The following AACS variants were observed in gnomAD, a reference collection of about 807,000 sequenced individuals.
AACS encodes the protein acetoacetate-CoA ligase.
AACS carries 69 observed loss-of-function variants against 83.1 expected under a neutral mutation model. That is an observed-to-expected ratio of 0.83 (90% confidence interval 0.68 to 1.01). The LOEUF is 1.01. AACS is among the 50% of genes least tolerant of loss of function. The probability of loss-of-function intolerance (pLI) is 0.00; values close to 1 mark genes in which losing one functional copy is unlikely to be tolerated. For synonymous variants in AACS, 333 were observed against 343.4 expected (o/e 0.97, Z 0.33); for missense variants, 866 against 882.2 (o/e 0.98, Z 0.23).
intron 4 of AACS, among the ~76,000 whole-genome samples, chr12:125,088,401 T>G (rs1956389063): frequency 6.6e-6 from 1 of 151,672 alleles, no homozygotes; most frequent in African/African-American, 2.4e-5. Flanking sequence ...CCTGGCTAAT[T>G]TTTGTATTTT....
chr12:125,120,427 A>G lies in AACS; in HGVS notation c.1121+1662A>G, dbSNP rs544651647. ...GTTTTTAAATCCTTGGCCATTAAAC[A>G]TTTTAAATATAACTTGGCCTGGGTA... On this transcript the variant is annotated intron_variant, in intron 10 of 17. Transcript: ENST00000316519. The G allele has an allele frequency of 4.6e-5, 7 of 152,338 alleles. No individual in the cohort carries two copies. The East Asian group carries it at 5.8e-4, about 13-fold the overall frequency. 9.4% of individuals were successfully genotyped at this position (152,338 alleles called of 1,614,324 possible). A position where few individuals can be genotyped will look rare whatever the true frequency, so the allele number is the denominator to read the frequency against.
At chr12:125,128,546 C>G (rs999807835) in intron 13 of AACS, 1 of 281,836 alleles carries the variant, frequency 3.5e-6, no homozygotes, top group Non-Finnish European at 6.6e-6. Flanking sequence ...GGTCATTGCC[C>G]TGCATCTGAA....
At chr12:125,106,299 C>T (rs978469529) in intron 7 of AACS, among the ~76,000 whole-genome samples, 2 of 152,202 alleles carry the variant, frequency 1.3e-5, no homozygotes, top group African/African-American at 4.8e-5. Flanking sequence ...GTGGCTTCTG[C>T]GGCTGTTTCT....
At chr12:125,070,297 A>G (rs568753738) in intron 1 of AACS, among the ~76,000 whole-genome samples, 75 of 152,220 alleles carry the variant, frequency 4.9e-4, no homozygotes, top group Non-Finnish European at 8.4e-4. Flanking sequence ...GGTGCCATCT[A>G]TTGGAGTTAA....
intron 3 of AACS, 127 bp downstream of exon 3, chr12:125,076,738 AG>A: frequency 7.0e-7 from 1 of 1,434,982 alleles, no homozygotes; most frequent in South Asian, 1.4e-5. Context: ...GATGTAATTA[AG>A]ATTTCTGTCG....
chr12:125,085,549 G>C (rs558385035), intron 3 of AACS, among the ~76,000 whole-genome samples: 54 of 152,174 alleles, frequency 3.5e-4, no homozygotes, highest in African/African-American at 1.3e-3. Context: ...ATCCACATCT[G>C]TTTCACGGAA....
At chr12:125,104,872 T>C (rs1377735297) in intron 7 of AACS, among the ~76,000 whole-genome samples, 2 of 152,182 alleles carry the variant, frequency 1.3e-5, no homozygotes, top group African/African-American at 4.8e-5. Flanking sequence ...TTTAATTGGC[T>C]TATGGTTCTG....
chr12:125,132,445 G>A (rs1171554491), intron 14 of AACS, among the ~76,000 whole-genome samples: 2 of 152,172 alleles, frequency 1.3e-5, no homozygotes, highest in Non-Finnish European at 2.9e-5. Context: ...AATGAGGCAG[G>A]ATTCCCAGGT....
At chr12:125,087,348 G>C (rs561099810) in intron 4 of AACS, among the ~76,000 whole-genome samples, 21 of 152,356 alleles carry the variant, frequency 1.4e-4, no homozygotes, top group African/African-American at 4.8e-4. Context: ...AACTGCTTAG[G>C]TATTTTTCTT....
At chr12:125,135,066 C>T (rs1957382781) in intron 16 of AACS, among the ~76,000 whole-genome samples, 1 of 152,104 alleles carries the variant, frequency 6.6e-6, no homozygotes, top group Admixed American at 6.6e-5. Context: ...GTCCCTTTGC[C>T]CATCCTCTTC....
rs554777598 is a variant in AACS at position 125,094,172 on chromosome 12, A to G, written c.570+2649A>G. 2.0e-5 allele frequency among the ~76,000 whole-genome samples: 3 copies of G among 152,322 alleles called. No homozygotes were observed. Among genetic ancestry groups the G allele is most frequent in the East Asian group, 1.9e-4 (1 of 5,190 alleles). ...GCTGATGGGTTCTGGGCTCGTGGAC[A>G]GTTCCTGCATCGGTTTGCAGATCTC... On this transcript the variant is annotated intron_variant, in intron 5 of 17. Transcript: ENST00000316519. This position sits in a 1 kb window ranked among gnomAD's most constrained non-coding sequence, Gnocchi z 4.1.
At chr12:125,076,380 C>A in intron 2 of AACS, 111 bp from the exon 3 acceptor site, 1 of 1,462,412 alleles carries the variant, frequency 6.8e-7, no homozygotes, top group Non-Finnish European at 9.3e-7. Context: ...AGTGAGCTGG[C>A]TTCCTGGGAA....
intron 5 of AACS, among the ~76,000 whole-genome samples, chr12:125,096,965 T>A (rs1255139259): frequency 6.6e-6 from 1 of 151,904 alleles, no homozygotes; most frequent in Non-Finnish European, 1.5e-5. Context: ...CAGAAGTGGC[T>A]GGGGAGGAGG....
intron 8 of AACS, 67 bp from the exon 9 acceptor site, chr12:125,114,410 C>T: frequency 7.4e-7 from 1 of 1,351,380 alleles, no homozygotes; most frequent in Non-Finnish European, 1.0e-6. Flanking sequence ...GCGCGTGGGC[C>T]AGGTACCAGA....
chr12:125,089,225 G>A (rs1167670843), intron 4 of AACS, among the ~76,000 whole-genome samples: 1 of 152,232 alleles, frequency 6.6e-6, no homozygotes, highest in African/African-American at 2.4e-5. Flanking sequence ...GGATGTGGGT[G>A]GAACCCCATG....
chr12:125,117,740 CTT>C (rs1191370966), intron 9 of AACS: 1 of 152,234 alleles, frequency 6.6e-6, no homozygotes, highest in Non-Finnish European at 1.5e-5. Flanking sequence ...AATACCAGCA[CTT>C]TGTGAGGCTG....
chr12:125,079,404 CAG>C (rs1033159711), intron 3 of AACS, among the ~76,000 whole-genome samples: 1 of 152,150 alleles, frequency 6.6e-6, no homozygotes, highest in African/African-American at 2.4e-5. Flanking sequence ...ACCCCTCTGA[CAG>C]GGTCTCACTC....
intron 12 of AACS, chr12:125,126,479 C>T (rs899584595): frequency 2.6e-5 from 4 of 152,006 alleles, no homozygotes; most frequent in African/African-American, 4.8e-5. Flanking sequence ...GGCGAGAGCA[C>T]CCCATTTTTA....
rs1956993893 is a variant in AACS, at chr12:125,113,618, C to T, written c.916-859C>T. ...ATAGTTGTAAACAGACATGAGGGAG[C>T]TCCCGGCATGCCAAGGAAGAGCTCC... On this transcript the variant is annotated intron_variant, in intron 8 of 17. Transcript: ENST00000316519. This position sits in a 1 kb window ranked among gnomAD's most constrained non-coding sequence, Gnocchi z 4.8. Among the ~76,000 whole-genome samples the T allele has an allele frequency of 6.6e-6, 1 of 152,344 alleles. No homozygotes were observed. Among genetic ancestry groups the T allele is most frequent in the East Asian group, 1.9e-4 (1 of 5,186 alleles).
Sources: gnomAD v4.1 joint callset for allele counts (sites outside exome capture counted in the v4.1 genomes callset) on GRCh38, gnomAD v4.1.1 for gene constraint, Gnocchi (gnomAD v3.1) non-coding constraint, MANE v1.5 for transcripts, NCBI Gene and HGNC (gene_info 2026-07-23, HGNC 2026-07-21) for gene names.